Variants in MAF observed in about 807,000 individuals in gnomAD.
MAF encodes the protein transcription factor Maf.
MAF carries 10 observed loss-of-function variants against 22.0 expected under a neutral mutation model. That is an observed-to-expected ratio of 0.45 (90% CI 0.28 to 0.77). The LOEUF (loss-of-function observed/expected upper bound fraction) is 0.77, where lower values mean the gene tolerates loss of function less well. MAF is among the 30% of genes least tolerant of loss of function. MAF has a pLI of 0.12. For synonymous variants in MAF, 337 were observed against 255.8 expected (o/e 1.32, Z -3.03); for missense variants, 544 against 548.4 (o/e 0.99, Z 0.08).
At chr16:79,356,566 C>T in the MAF span, among the ~76,000 whole-genome samples, 1 of 152,184 alleles carries the variant, frequency 6.6e-6, no homozygotes, top group Non-Finnish European at 1.5e-5. Flanking sequence ...ATTCACACCC[C>T]TAGGTCTCTG....
At chr16:79,366,446 C>T in the MAF span, among the ~76,000 whole-genome samples, 1 of 152,166 alleles carries the variant, frequency 6.6e-6, no homozygotes, top group Non-Finnish European at 1.5e-5. Flanking sequence ...GTCTTAGTTT[C>T]ATTAGTAATA....
At chr16:79,213,093 C>T in the MAF span, among the ~76,000 whole-genome samples, 2 of 152,178 alleles carry the variant, frequency 1.3e-5, no homozygotes, top group Non-Finnish European at 2.9e-5. Flanking sequence ...TCTGCGCATC[C>T]CATCTCATGG....
chr16:79,286,712 A>G, the MAF span, among the ~76,000 whole-genome samples: 4 of 152,162 alleles, frequency 2.6e-5, no homozygotes, highest in African/African-American at 9.7e-5. Flanking sequence ...CGCATCTTTA[A>G]CAGGTGAAAC....
the MAF span, among the ~76,000 whole-genome samples, chr16:79,423,429 G>C: frequency 6.6e-6 from 1 of 152,112 alleles, no homozygotes; most frequent in Admixed American, 6.6e-5. Context: ...TGAGGAGTCT[G>C]AGCAAATCAA....
chr16:79,272,344 A>G, the MAF span, among the ~76,000 whole-genome samples: 2 of 152,224 alleles, frequency 1.3e-5, no homozygotes, highest in African/African-American at 4.8e-5. Context: ...GCAGAGACCT[A>G]AGCCCCCTTT....
chr16:79,585,738 T>G, downstream of MAF: 1 of 567,418 alleles, frequency 1.8e-6, no homozygotes, highest in South Asian at 2.4e-5. Context: ...ATACTAAAAC[T>G]AATGAAACAG....
the MAF span, among the ~76,000 whole-genome samples, chr16:79,533,008 G>C: frequency 6.6e-6 from 1 of 152,200 alleles, no homozygotes; most frequent in Non-Finnish European, 1.5e-5. Context: ...TAGATATTCT[G>C]TGGTACATAT....
chr16:79,240,548 G>T, the MAF span, among the ~76,000 whole-genome samples: 2 of 143,324 alleles, frequency 1.4e-5, no homozygotes, highest in Non-Finnish European at 3.0e-5. Flanking sequence ...CCAGTTAGGG[G>T]CTTATTGATA....
chr16:79,390,688 G>T, the MAF span, among the ~76,000 whole-genome samples: 1 of 152,140 alleles, frequency 6.6e-6, no homozygotes. Context: ...CCAGGGCACA[G>T]GAACTGGGAA....
At chr16:79,528,972 G>A in the MAF span, among the ~76,000 whole-genome samples, 1 of 152,200 alleles carries the variant, frequency 6.6e-6, no homozygotes, top group South Asian at 2.1e-4. Context: ...GCTCCACACT[G>A]TTCTTTGTAA....
At chr16:79,496,190 G>A in the MAF span, among the ~76,000 whole-genome samples, 10 of 152,236 alleles carry the variant, frequency 6.6e-5, no homozygotes, top group African/African-American at 1.9e-4. Context: ...TAACTAGTAC[G>A]TGTCATGTCA....
At chr16:79,469,846 C>A in the MAF span, among the ~76,000 whole-genome samples, 1 of 152,150 alleles carries the variant, frequency 6.6e-6, no homozygotes, top group Non-Finnish European at 1.5e-5. Context: ...CCACCCACCT[C>A]GGCCTCCCAA....
the MAF span, among the ~76,000 whole-genome samples, chr16:79,364,309 T>G: frequency 6.6e-6 from 1 of 152,058 alleles, no homozygotes; most frequent in Non-Finnish European, 1.5e-5. Flanking sequence ...GACAACAAAG[T>G]TGGGGGACCA....
chr16:79,266,398 G>A, the MAF span, among the ~76,000 whole-genome samples: 33 of 152,190 alleles, frequency 2.2e-4, 1 homozygote, highest in African/African-American at 8.0e-4. Flanking sequence ...CTTTAATAGA[G>A]GGGTTCTGAG....
the MAF span, among the ~76,000 whole-genome samples, chr16:79,237,357 G>T: frequency 6.6e-6 from 1 of 152,034 alleles, no homozygotes; most frequent in Non-Finnish European, 1.5e-5. Flanking sequence ...GGCGTTTGCT[G>T]GTGGCTTGGG....
At chr16:79,206,575 T>C in the MAF span, 1 of 152,352 alleles carries the variant, frequency 6.6e-6, no homozygotes, top group East Asian at 1.9e-4. Flanking sequence ...ATGCTAGTCA[T>C]TGATGTCACT....
At chr16:79,370,931 G>C in the MAF span, among the ~76,000 whole-genome samples, 3 of 152,112 alleles carry the variant, frequency 2.0e-5, no homozygotes, top group African/African-American at 7.2e-5. Flanking sequence ...TCTGGGTGTT[G>C]TTGCTATGTA....
At chr16:79,291,107 G>T in the MAF span, among the ~76,000 whole-genome samples, 1 of 152,044 alleles carries the variant, frequency 6.6e-6, no homozygotes, top group Admixed American at 6.6e-5. Context: ...CAGAAGCCCT[G>T]CTTGTGGAAG....
the MAF span, among the ~76,000 whole-genome samples, chr16:79,281,635 G>A: frequency 5.0e-5 from 7 of 139,900 alleles, no homozygotes; most frequent in East Asian, 4.5e-4. Context: ...TGCAACCTCC[G>A]CCTCCCAGGT....
Sources: gnomAD v4.1 joint callset for allele counts (sites outside exome capture counted in the v4.1 genomes callset) on GRCh38, gnomAD v4.1.1 for gene constraint, MANE v1.5 for transcripts, NCBI Gene and HGNC (gene_info 2026-07-23, HGNC 2026-07-21) for gene names.